Variants in RASSF2 observed in about 807,000 individuals in gnomAD.
RASSF2 encodes ras association domain-containing protein 2.
In RASSF2, 34 loss-of-function variants were observed where a neutral mutation model predicts 46.3. That is an observed-to-expected ratio of 0.73 (90% confidence interval 0.56 to 0.98). The LOEUF (loss-of-function observed/expected upper bound fraction) is 0.98. Among genes scored for constraint, RASSF2 ranks in the 50% least tolerant of loss-of-function variants. The pLI is 0.00. For missense variants in RASSF2, 364 were observed against 431.2 expected, an observed-to-expected ratio of 0.84 and a Z score of 1.38; for synonymous variants, 158 against 162.5, an observed-to-expected ratio of 0.97 and a Z score of 0.21.
chr20:4,800,255 T>C (rs1337066356), intron 3 of RASSF2, among the ~76,000 whole-genome samples: 1 of 152,184 alleles, frequency 6.6e-6, no homozygotes, highest in Non-Finnish European at 1.5e-5. Flanking sequence ...TCCCCTTCTA[T>C]TCAGAGGGCA....
rs1209330511 is a variant in RASSF2 at position 4,786,229 on chromosome 20, A to G, written c.911+2T>C. 1.9e-6 allele frequency: 3 copies of G among 1,603,546 alleles called. No individual in the cohort carries two copies. The highest frequency in any genetic ancestry group is 2.6e-6 in the Non-Finnish European group (3 of 1,170,368). On this transcript the variant is annotated splice_donor_variant, in intron 11 of 11. Coordinates refer to ENST00000379400, the MANE Select transcript of RASSF2 (RefSeq NM_014737.3). LOFTEE classifies it high-confidence loss of function. ...ACCCAGTGCCCCAGAAGCCACACTT[A>G]CTTGCGCATCAGCTTCTTTACTTCC... is the stretch of plus-strand genomic sequence containing the variant.
At chr20:4,811,943 G>A (rs1927855196) in intron 2 of RASSF2, among the ~76,000 whole-genome samples, 1 of 152,182 alleles carries the variant, frequency 6.6e-6, no homozygotes. Context: ...AGACCAACTG[G>A]CCAGGTCTCC....
intron 2 of RASSF2, among the ~76,000 whole-genome samples, chr20:4,805,434 T>C (rs2423015): frequency 0.61 from 92,609 of 151,892 alleles, 28,532 homozygotes; most frequent in African/African-American, 0.65. Context: ...CAGATTTGCC[T>C]CAGAGCCCCT....
chr20:4,798,829 A>G (rs111475982), intron 3 of RASSF2, among the ~76,000 whole-genome samples: 2 of 139,392 alleles, frequency 1.4e-5, no homozygotes, highest in African/African-American at 5.8e-5. Context: ...CCATCTCAAA[A>G]AAACAAACAA....
At chr20:4,810,741 C>A (rs970734359) in intron 2 of RASSF2, among the ~76,000 whole-genome samples, 32 of 152,062 alleles carry the variant, frequency 2.1e-4, no homozygotes, top group Admixed American at 2.0e-3. Flanking sequence ...CAGGCCCCAA[C>A]CACCCCCACC....
chr20:4,802,818 G>T (rs1926988891), intron 2 of RASSF2, among the ~76,000 whole-genome samples: 1 of 150,690 alleles, frequency 6.6e-6, no homozygotes, highest in Admixed American at 6.6e-5. Flanking sequence ...ACTTTAAAAT[G>T]GTTAAGATGG....
intron 2 of RASSF2, among the ~76,000 whole-genome samples, chr20:4,815,617 A>T (rs1388232606): frequency 3.9e-5 from 6 of 152,262 alleles, no homozygotes; most frequent in African/African-American, 1.4e-4. Flanking sequence ...ACACAACTCC[A>T]CTTCTACCTG....
chr20:4,821,051 C>T (rs1928656427), intron 2 of RASSF2, among the ~76,000 whole-genome samples: 1 of 152,168 alleles, frequency 6.6e-6, no homozygotes, highest in Admixed American at 6.5e-5. Flanking sequence ...CTCCAGCTGA[C>T]TCGCTCAGCC....
At chr20:4,811,903 T>C (rs1927852423) in intron 2 of RASSF2, among the ~76,000 whole-genome samples, 2 of 152,220 alleles carry the variant, frequency 1.3e-5, no homozygotes, top group South Asian at 4.1e-4. Flanking sequence ...AGAAAGTTGC[T>C]GGACACAGTG....
At chr20:4,818,763 A>G (rs1211153060) in intron 2 of RASSF2, among the ~76,000 whole-genome samples, 1 of 152,108 alleles carries the variant, frequency 6.6e-6, no homozygotes, top group Non-Finnish European at 1.5e-5. Context: ...TCTCCAAAGC[A>G]CTGTAACTCT....
chr20:4,807,312 A>T (rs1333208348), intron 2 of RASSF2, among the ~76,000 whole-genome samples: 1 of 148,566 alleles, frequency 6.7e-6, no homozygotes, highest in Admixed American at 6.7e-5. Flanking sequence ...ACCTGTGAAA[A>T]TTTTAAACTT....
chr20:4,816,646 A>G (rs1289091256), intron 2 of RASSF2, among the ~76,000 whole-genome samples: 1 of 152,242 alleles, frequency 6.6e-6, no homozygotes, highest in Non-Finnish European at 1.5e-5. Flanking sequence ...ACAATAAAAC[A>G]TAAAAATAAA....
chr20:4,821,522 A>G (rs1024765694), intron 2 of RASSF2, among the ~76,000 whole-genome samples: 1 of 152,174 alleles, frequency 6.6e-6, no homozygotes. Context: ...CCCAATTTCA[A>G]CAGAATAAAA....
At chr20:4,788,923 T>A (rs1423813302) in intron 8 of RASSF2, among the ~76,000 whole-genome samples, 1 of 152,214 alleles carries the variant, frequency 6.6e-6, no homozygotes, top group Non-Finnish European at 1.5e-5. Context: ...CATTTTATGA[T>A]GACGAAGCAG....
chr20:4,784,402 C>A, intron 11 of RASSF2, 60 bp from the exon 12 acceptor site: 1 of 1,527,466 alleles, frequency 6.5e-7, no homozygotes, highest in Non-Finnish European at 9.1e-7. Flanking sequence ...TGCCCAGGAC[C>A]TTCCCGGCCA....
In RASSF2 at chr20:4,789,481, C is replaced by T. The variant is rs1925670297; in HGVS notation, c.639+115G>A. The T allele has an allele frequency of 6.1e-6, 5 of 819,626 alleles. No individual in the cohort carries two copies. The Admixed American group carries it at 1.2e-4, about 20-fold the overall frequency. 50.8% of individuals were successfully genotyped at this position (819,626 alleles called of 1,614,324 possible). On this transcript the variant is annotated intron_variant, in intron 8 of 11. Coordinates refer to ENST00000379400, the MANE Select transcript of RASSF2 (RefSeq NM_014737.3). ...CGTGAGGATCTAAAGAACCGAAGCCCTCTGCTCAGCATCCCACAAAACACA... is the reference window on the plus strand; with the variant it reads ...CGTGAGGATCTAAAGAACCGAAGCCTTCTGCTCAGCATCCCACAAAACACA...
intron 3 of RASSF2, among the ~76,000 whole-genome samples, chr20:4,799,198 C>T (rs1441645299): frequency 6.6e-6 from 1 of 152,166 alleles, no homozygotes; most frequent in Non-Finnish European, 1.5e-5. Flanking sequence ...TAGAAACTCC[C>T]CCTCTGAAGC....
At chr20:4,807,111 A>C (rs1278262235) in intron 2 of RASSF2, among the ~76,000 whole-genome samples, 1 of 152,226 alleles carries the variant, frequency 6.6e-6, no homozygotes, top group African/African-American at 2.4e-5. Flanking sequence ...GGGAACATGG[A>C]ATGTAAGCAG....
intron 1 of RASSF2, among the ~76,000 whole-genome samples, 199 bp from the exon 2 acceptor site, chr20:4,822,602 C>T (rs993996455): frequency 5.9e-5 from 9 of 152,268 alleles, no homozygotes; most frequent in Admixed American, 1.3e-4. Flanking sequence ...AAAGTAAGCG[C>T]TCGAAATGCA....
Sources: gnomAD v4.1 joint callset for allele counts (sites outside exome capture counted in the v4.1 genomes callset) on GRCh38, gnomAD v4.1.1 for gene constraint, MANE v1.5 for transcripts, NCBI Gene and HGNC (gene_info 2026-07-23, HGNC 2026-07-21) for gene names.